Variants in TMT1A observed in about 807,000 individuals in gnomAD.
TMT1A encodes thiol methyltransferase 1A.
the TMT1A span, chr12:50,925,449 T>C: frequency 1.2e-6 from 2 of 1,614,098 alleles, no homozygotes; most frequent in Admixed American, 3.3e-5. Context: ...CTGATGGCTC[T>C]GTGGATGTGG....
chr12:50,928,899 A>G, the TMT1A span, among the ~76,000 whole-genome samples: 36 of 152,140 alleles, frequency 2.4e-4, no homozygotes, highest in African/African-American at 8.4e-4. Context: ...GACCTCCCCA[A>G]ACCTGCCTCT....
At chr12:50,925,378 A>G in the TMT1A span, 2 of 1,614,218 alleles carry the variant, frequency 1.2e-6, no homozygotes, top group East Asian at 4.5e-5. Flanking sequence ...CATTGCAGAG[A>G]ACCGACACCT....
At chr12:50,926,699 C>T in the TMT1A span, among the ~76,000 whole-genome samples, 19 of 152,316 alleles carry the variant, frequency 1.2e-4, no homozygotes, top group East Asian at 1.5e-3. Context: ...TTAGGTAGAG[C>T]GTAGGCCCAC....
At chr12:50,925,485 T>C in the TMT1A span, 1 of 1,614,132 alleles carries the variant, frequency 6.2e-7, no homozygotes. Context: ...TGCTGTGCTC[T>C]GTGAAGAACC....
At chr12:50,930,364 C>T in the TMT1A span, 1 of 410,318 alleles carries the variant, frequency 2.4e-6, no homozygotes, top group Non-Finnish European at 4.3e-6. Context: ...ACTGCAACCT[C>T]CACCTCGCGG....
the TMT1A span, among the ~76,000 whole-genome samples, chr12:50,929,476 T>C: frequency 2.0e-5 from 3 of 152,204 alleles, no homozygotes; most frequent in African/African-American, 7.2e-5. Context: ...GAGGTAGATA[T>C]GTAGAAAACT....
chr12:50,928,991 A>C, the TMT1A span, among the ~76,000 whole-genome samples: 3 of 151,912 alleles, frequency 2.0e-5, no homozygotes. Flanking sequence ...TAATCCCAGC[A>C]CTTTGGGAGG....
the TMT1A span, chr12:50,925,083 G>T: frequency 1.2e-6 from 2 of 1,614,132 alleles, no homozygotes; most frequent in East Asian, 4.5e-5. Flanking sequence ...TTTACATCCT[G>T]ACATTTCCCT....
the TMT1A span, chr12:50,930,210 T>A: frequency 1.5e-6 from 2 of 1,367,510 alleles, no homozygotes; most frequent in Non-Finnish European, 2.0e-6. Context: ...GTTTTACATT[T>A]AAAATGCTAA....
chr12:50,928,913 C>T, the TMT1A span, among the ~76,000 whole-genome samples: 10 of 152,144 alleles, frequency 6.6e-5, no homozygotes, highest in Admixed American at 6.6e-4. Flanking sequence ...TGCCTCTCCT[C>T]CTTTATGCTG....
At chr12:50,925,683 A>G in the TMT1A span, 1 of 980,894 alleles carries the variant, frequency 1.0e-6, no homozygotes, top group Non-Finnish European at 1.4e-6. Context: ...TTAGCGTGGG[A>G]GAGAAGCTAT....
At chr12:50,925,799 G>A in the TMT1A span, among the ~76,000 whole-genome samples, 1 of 151,930 alleles carries the variant, frequency 6.6e-6, no homozygotes, top group African/African-American at 2.4e-5. Flanking sequence ...AGCATTTTGG[G>A]AGGCCAAGGC....
chr12:50,929,954 G>T, the TMT1A span: 10 of 1,613,836 alleles, frequency 6.2e-6, no homozygotes, highest in African/African-American at 1.3e-5. Context: ...GCAGCTGAGT[G>T]TTCGACTTGG....
At chr12:50,928,001 T>C in the TMT1A span, among the ~76,000 whole-genome samples, 1 of 152,050 alleles carries the variant, frequency 6.6e-6, no homozygotes, top group Non-Finnish European at 1.5e-5. Context: ...ACTTTTATAT[T>C]TTTAGTAGGG....
At chr12:50,926,734 G>T in the TMT1A span, among the ~76,000 whole-genome samples, 6 of 152,210 alleles carry the variant, frequency 3.9e-5, no homozygotes, top group Non-Finnish European at 8.8e-5. Context: ...GTGAGGCAGG[G>T]AGAGGAGATA....
At chr12:50,925,251 A>G in the TMT1A span, 3 of 1,614,146 alleles carry the variant, frequency 1.9e-6, no homozygotes, top group East Asian at 2.2e-5. Context: ...CCTCCGGGAA[A>G]CTCTCCCTGC....
chr12:50,928,939 AT>A, the TMT1A span, among the ~76,000 whole-genome samples: 1 of 152,072 alleles, frequency 6.6e-6, no homozygotes, highest in East Asian at 1.9e-4. Context: ...TCCTATGAAG[AT>A]TTTTTTTAAA....
At chr12:50,928,208 A>G in the TMT1A span, among the ~76,000 whole-genome samples, 1 of 151,882 alleles carries the variant, frequency 6.6e-6, no homozygotes, top group African/African-American at 2.4e-5. Flanking sequence ...CATTGCTATC[A>G]CTCTTGCTGG....
the TMT1A span, chr12:50,930,106 TG>T: frequency 1.2e-6 from 2 of 1,613,682 alleles, no homozygotes; most frequent in Admixed American, 3.3e-5. Flanking sequence ...CCCACTGTCC[TG>T]GGAGTTGGTG....
Sources: allele counts gnomAD v4.1 joint callset (sites outside exome capture counted in the v4.1 genomes callset), GRCh38; gene constraint gnomAD v4.1.1; transcripts MANE v1.5; gene names NCBI Gene and HGNC (gene_info 2026-07-23, HGNC 2026-07-21).